Variants in CISD2 observed in about 807,000 individuals in gnomAD.
CISD2 encodes the protein CDGSH iron-sulfur domain-containing protein 2.
In CISD2, 1 loss-of-function variant was observed where a neutral mutation model predicts 12.9. The observed-to-expected ratio is 0.08, with a 90% CI of 0.03 to 0.37. CISD2 has a LOEUF of 0.37. Ranked by LOEUF, CISD2 falls within the 10% of genes least tolerant of loss-of-function variation. The pLI is 0.99. For synonymous variants in CISD2, 50 were observed against 60.6 expected (o/e 0.83, Z 0.81); for missense variants, 97 against 163.1 (o/e 0.59, Z 2.21).
At chr4:102,875,254 A>G (rs776307471) in intron 1 of CISD2, among the ~76,000 whole-genome samples, 5 of 152,212 alleles carry the variant, frequency 3.3e-5, no homozygotes, top group Non-Finnish European at 5.9e-5. Flanking sequence ...TCAGAAACCT[A>G]TTTAAGTATC....
Position 102,885,429 on chromosome 4 carries a change from C to T in CISD2, c.317C>T (p.Thr106Met), listed in dbSNP as rs1733856462. ...AAYCRCWRSK[T>M]FPACDGSHNK... Reference sequence around the variant, plus strand: ...TATTGTAGGTGTTGGCGTTCTAAAACGGTAAGATGTCTGTTTACGTGTACA... The same window carrying T: ...TATTGTAGGTGTTGGCGTTCTAAAATGGTAAGATGTCTGTTTACGTGTACA... Residue 106 changes from threonine to methionine, a missense_variant and splice_region_variant, in exon 2 of 3, where the codon ACG becomes ATG. Around this residue, in one of 2 missense-constraint regions of CISD2, gnomAD observed 8 missense variants for 48.7 expected, o/e 0.16. Transcript: ENST00000273986. The T allele has an allele frequency of 1.2e-6, 2 of 1,612,506 alleles. No homozygotes were observed. The highest frequency in any genetic ancestry group is 1.1e-5 in the South Asian group (1 of 90,960).
chr4:102,873,728 C>CAAA (rs35907341), intron 1 of CISD2, among the ~76,000 whole-genome samples: 6 of 78,380 alleles, frequency 7.7e-5, no homozygotes, highest in Admixed American at 3.0e-4. Flanking sequence ...GAAACCGTCT[C>CAAA]AAAAAAAAAA....
intron 1 of CISD2, among the ~76,000 whole-genome samples, chr4:102,883,932 T>C (rs1053028895): frequency 6.6e-6 from 1 of 152,256 alleles, no homozygotes; most frequent in South Asian, 2.1e-4. Context: ...GCCACTCTTA[T>C]AGGTGCTATC....
intron 1 of CISD2, among the ~76,000 whole-genome samples, chr4:102,870,394 A>T (rs1733405259): frequency 6.6e-6 from 1 of 152,250 alleles, no homozygotes; most frequent in Non-Finnish European, 1.5e-5. Flanking sequence ...AAACAAACAA[A>T]AAGACTCTGG....
chr4:102,883,640 A>T (rs957167261), intron 1 of CISD2, among the ~76,000 whole-genome samples: 1 of 152,158 alleles, frequency 6.6e-6, no homozygotes, highest in African/African-American at 2.4e-5. Flanking sequence ...CCCCGCAAAA[A>T]CAGTTCTGTG....
intron 2 of CISD2, among the ~76,000 whole-genome samples, chr4:102,886,901 T>C (rs1733954110): frequency 1.3e-5 from 2 of 152,350 alleles, no homozygotes; most frequent in East Asian, 3.9e-4. Context: ...AGGCGTAAAC[T>C]ACCGCACCAG....
intron 1 of CISD2, among the ~76,000 whole-genome samples, chr4:102,881,340 T>C (rs969038627): frequency 6.6e-6 from 1 of 152,186 alleles, no homozygotes; most frequent in African/African-American, 2.4e-5. Context: ...TACGGTTATA[T>C]AGAAAAAGTT....
At chr4:102,885,045 G>T in intron 1 of CISD2, 171 bp from the exon 2 acceptor site, 1 of 608,302 alleles carries the variant, frequency 1.6e-6, no homozygotes. Flanking sequence ...AAAGTAAGGT[G>T]GTCTTTGGTA....
intron 1 of CISD2, among the ~76,000 whole-genome samples, chr4:102,878,063 C>T (rs952193834): frequency 6.6e-6 from 1 of 151,708 alleles, no homozygotes; most frequent in African/African-American, 2.4e-5. Context: ...ATATTTGGCT[C>T]CTTGTTACTT....
chr4:102,872,858 T>C (rs1380347560), intron 1 of CISD2, among the ~76,000 whole-genome samples: 2 of 152,236 alleles, frequency 1.3e-5, no homozygotes, highest in African/African-American at 2.4e-5. Flanking sequence ...GTAGCTACCG[T>C]ATTATTCCGT....
At position 102,869,147 on chromosome 4, in the gene CISD2, C is replaced by A; in HGVS notation, c.63C>A (p.Leu21=). 1.2e-6 allele frequency: 2 copies of A among 1,612,638 alleles called. No individual in the cohort carries two copies. The highest frequency in any genetic ancestry group is 1.3e-5 in the African/African-American group (1 of 75,034). Residue 21 remains leucine (L), a synonymous_variant, in exon 1 of 3, where the codon CTC becomes CTA. Coordinates refer to ENST00000273986, the MANE Select transcript of CISD2 (RefSeq NM_001008388.5). ...KVQLPAYLKR[L]PVPESITGFA... ...AGCTCCCTGCATATCTGAAGCGGCT[C>A]CCAGTCCCTGAAAGCATTACCGGGT...
chr4:102,871,641 T>TTACAA (rs1733452546), intron 1 of CISD2, among the ~76,000 whole-genome samples: 1 of 152,206 alleles, frequency 6.6e-6, no homozygotes, highest in Non-Finnish European at 1.5e-5. Context: ...CGGTCTCCCA[T>TTACAA]TCTGAATAGA....
rs1231403400 is a variant in CISD2, at chr4:102,890,536, A to C, written c.*3106A>C. The C allele has an allele frequency of 6.6e-6, 1 of 152,122 alleles. No individual in the cohort carries two copies. The highest frequency in any genetic ancestry group is 1.5e-5 in the Non-Finnish European group (1 of 68,038). 9.4% of individuals were successfully genotyped at this position (152,122 alleles called of 1,614,324 possible). ...GAGATGTTACTAATGCTTGTACTTT[A>C]TTCAGAAATGAGTGCCTCATTGGCT... is the stretch of plus-strand genomic sequence containing the variant. On this transcript the variant is annotated 3_prime_UTR_variant, in exon 3 of 3. Transcript: ENST00000273986.
chr4:102,881,243 C>T (rs1733713749), intron 1 of CISD2, among the ~76,000 whole-genome samples: 1 of 151,936 alleles, frequency 6.6e-6, no homozygotes, highest in African/African-American at 2.4e-5. Context: ...AAGTTGATCT[C>T]ATGGAGATAG....
At chr4:102,880,751 G>C (rs1394860853) in intron 1 of CISD2, among the ~76,000 whole-genome samples, 7 of 152,024 alleles carry the variant, frequency 4.6e-5, no homozygotes, top group Non-Finnish European at 7.4e-5. Context: ...CCAGCACTTT[G>C]AGAGGCCAAG....
intron 1 of CISD2, chr4:102,869,503 A>T: frequency 1.4e-6 from 1 of 702,570 alleles, no homozygotes; most frequent in Non-Finnish European, 2.6e-6. Context: ...TGTCCTGCTC[A>T]TCGCTCTCTG....
At position 102,887,856 on chromosome 4, in the gene CISD2, A is replaced by C. The variant is rs527815582; in HGVS notation, c.*426A>C. 6.2e-6 allele frequency: 1 copy of C among 160,438 alleles called. No individual in the cohort carries two copies. Among genetic ancestry groups the C allele is most frequent in the South Asian group, 1.8e-4 (1 of 5,710 alleles). The allele number at this position is 160,438 out of a possible 1,614,324, so 9.9% of individuals were successfully genotyped here. A position where few individuals can be genotyped will look rare whatever the true frequency, so the allele number is the denominator to read the frequency against. On this transcript the variant is annotated 3_prime_UTR_variant, in exon 3 of 3. Coordinates refer to ENST00000273986, the MANE Select transcript of CISD2 (RefSeq NM_001008388.5). ...TTGGCCTTCCAAACTGCATTTGGTT[A>C]GGTGAATTAAGAAAAATATTGCCAT...
At chr4:102,876,971 A>G (rs115559341) in intron 1 of CISD2, among the ~76,000 whole-genome samples, 2,361 of 152,222 alleles carry the variant, frequency 0.016, 59 homozygotes, top group African/African-American at 0.051. Context: ...CATGGGGAAA[A>G]CCACTCCCAT....
chr4:102,889,499 A>C lies in CISD2; in HGVS notation c.*2069A>C, dbSNP rs1254252383. Reference sequence around the variant, plus strand: ...ATAACTTAGATTTTACAGGAGGCAAATTTACTAAAAATGAGGAGACTAAAA... The same window carrying C: ...ATAACTTAGATTTTACAGGAGGCAACTTTACTAAAAATGAGGAGACTAAAA... On this transcript the variant is annotated 3_prime_UTR_variant, in exon 3 of 3. Transcript: ENST00000273986. The C allele has an allele frequency of 6.6e-6, 1 of 152,248 alleles. No individual in the cohort carries two copies. The highest frequency in any genetic ancestry group is 1.5e-5 in the Non-Finnish European group (1 of 68,038). The allele number at this position is 152,248 out of a possible 1,614,324, so 9.4% of individuals were successfully genotyped here. A position where few individuals can be genotyped will look rare whatever the true frequency, so the allele number is the denominator to read the frequency against.
Sources: gnomAD v4.1 joint callset for allele counts (sites outside exome capture counted in the v4.1 genomes callset) on GRCh38, gnomAD v4.1.1 for gene constraint, gnomAD v4.1.1 regional missense constraint, MANE v1.5 for transcripts, NCBI Gene and HGNC (gene_info 2026-07-23, HGNC 2026-07-21) for gene names.